The following GRM7 variants were observed in gnomAD, a reference collection of about 807,000 sequenced individuals.
GRM7 encodes the protein glutamate metabotropic receptor 7, also known as metabotropic glutamate receptor 7.
Under a neutral mutation model 84.5 loss-of-function variants are expected in GRM7, and 35 were observed. The observed-to-expected ratio is 0.41, with a 90% CI of 0.32 to 0.55. GRM7 has a LOEUF of 0.55. Ranked by LOEUF, GRM7 falls within the 20% of genes least tolerant of loss-of-function variation. The pLI is 0.19. For synonymous variants in GRM7, 487 were observed against 455.1 expected (o/e 1.07, Z -0.89); for missense variants, 1,003 against 1,194.6 (o/e 0.84, Z 2.36).
chr3:7,099,493 G>A (rs146965096), intron 1 of GRM7, among the ~76,000 whole-genome samples: 76 of 139,450 alleles, frequency 5.4e-4, no homozygotes, highest in African/African-American at 7.5e-4. Flanking sequence ...ATATGTACAC[G>A]CATTATACAT....
At chr3:7,491,843 A>G (rs1699528916) in intron 7 of GRM7, among the ~76,000 whole-genome samples, 1 of 152,204 alleles carries the variant, frequency 6.6e-6, no homozygotes, top group Non-Finnish European at 1.5e-5. Context: ...TAAATACCTG[A>G]AGGAGAAGCA....
intron 9 of GRM7, among the ~76,000 whole-genome samples, chr3:7,699,874 T>C (rs1575648443): frequency 1.3e-5 from 2 of 152,178 alleles, no homozygotes; most frequent in South Asian, 4.1e-4. Flanking sequence ...AGAGCCAGTC[T>C]AGGGTCAGAG....
At chr3:7,684,647 C>T (rs1353783658) in intron 9 of GRM7, among the ~76,000 whole-genome samples, 2 of 152,134 alleles carry the variant, frequency 1.3e-5, no homozygotes, top group Non-Finnish European at 2.9e-5. Context: ...ATATAATTAT[C>T]CTCTTAGTTT....
At chr3:7,729,587 G>A (rs1702239781) in intron 9 of GRM7, among the ~76,000 whole-genome samples, 1 of 152,178 alleles carries the variant, frequency 6.6e-6, no homozygotes, top group South Asian at 2.1e-4. Flanking sequence ...GACTGGAGGG[G>A]TATAGGTAAC....
chr3:7,484,750 T>C (rs1405670549), intron 7 of GRM7, among the ~76,000 whole-genome samples: 2 of 152,220 alleles, frequency 1.3e-5, no homozygotes, highest in African/African-American at 4.8e-5. Context: ...GCCTCTAAAA[T>C]GGTGTTGAGT....
At chr3:7,726,183 C>T (rs1317146061) in intron 9 of GRM7, among the ~76,000 whole-genome samples, 1 of 151,822 alleles carries the variant, frequency 6.6e-6, no homozygotes, top group Non-Finnish European at 1.5e-5. Context: ...TATTAGATTG[C>T]GTAGGAGAGT....
intron 2 of GRM7, among the ~76,000 whole-genome samples, chr3:7,219,695 G>A (rs1332990053): frequency 2.0e-5 from 3 of 152,192 alleles, no homozygotes; most frequent in African/African-American, 7.2e-5. Flanking sequence ...TTTTCTTGCT[G>A]TTAGTGTCAG....
At chr3:7,281,856 G>A (rs926408856) in intron 2 of GRM7, among the ~76,000 whole-genome samples, 2 of 152,208 alleles carry the variant, frequency 1.3e-5, no homozygotes, top group Non-Finnish European at 1.5e-5. Context: ...CAAGGCGGAA[G>A]GATTGCCTGA....
chr3:7,323,946 G>GT (rs1468342319), intron 4 of GRM7, among the ~76,000 whole-genome samples: 1 of 152,128 alleles, frequency 6.6e-6, no homozygotes, highest in African/African-American at 2.4e-5. Context: ...GAGCAAGCTA[G>GT]TAAGATCATG....
In GRM7 at chr3:7,118,529, A is replaced by G. The variant is rs115470436; in HGVS notation, c.520-27923A>G. Among the ~76,000 whole-genome samples, 649 of 151,080 alleles carry G rather than the reference A, an allele frequency of 4.3e-3. 4 individuals are homozygous for G. Among genetic ancestry groups the G allele is most frequent in the Non-Finnish European group, 7.0e-3 (474 of 67,838 alleles). ...CTCTAAAAAAAAGTTACAGAAAACAATAGTTTGCTGTTGATATAGCATAAA... is the reference window on the plus strand; with the variant it reads ...CTCTAAAAAAAAGTTACAGAAAACAGTAGTTTGCTGTTGATATAGCATAAA... On this transcript the variant is annotated intron_variant, in intron 1 of 9. Transcript: ENST00000357716.
At chr3:7,572,800 C>A (rs12630191) in intron 7 of GRM7, among the ~76,000 whole-genome samples, 1 of 96,232 alleles carries the variant, frequency 1.0e-5, no homozygotes, top group Non-Finnish European at 2.1e-5. Flanking sequence ...CCAGCCTGGG[C>A]GACAGAGTGA....
intron 2 of GRM7, among the ~76,000 whole-genome samples, chr3:7,253,798 G>A (rs1252731888): frequency 2.6e-5 from 4 of 152,246 alleles, no homozygotes; most frequent in East Asian, 1.9e-4. Flanking sequence ...GTAGACTGCA[G>A]AGGTGGGGCT....
At chr3:6,947,225 C>G (rs1362519575) in intron 1 of GRM7, among the ~76,000 whole-genome samples, 2 of 152,072 alleles carry the variant, frequency 1.3e-5, no homozygotes, top group East Asian at 3.9e-4. Context: ...GAGCTATGTC[C>G]CATCAATACC....
intron 9 of GRM7, among the ~76,000 whole-genome samples, chr3:7,712,542 G>A (rs953464520): frequency 1.1e-4 from 17 of 151,632 alleles, no homozygotes; most frequent in African/African-American, 4.1e-4. Context: ...GTAGATCTAA[G>A]TACCTTTTCA....
At chr3:7,429,457 A>G (rs1696742138) in intron 5 of GRM7, among the ~76,000 whole-genome samples, 1 of 152,106 alleles carries the variant, frequency 6.6e-6, no homozygotes, top group Admixed American at 6.5e-5. Context: ...TTTGATTTGT[A>G]TTTCTTGGAA....
At chr3:7,680,509 T>C (rs1261712674) in intron 9 of GRM7, 2 of 555,020 alleles carry the variant, frequency 3.6e-6, no homozygotes, top group East Asian at 3.1e-5. Flanking sequence ...TTTTGGAGGC[T>C]CTGCTTCAGA....
intron 8 of GRM7, among the ~76,000 whole-genome samples, chr3:7,656,080 C>A (rs1034463950): frequency 3.9e-5 from 6 of 152,110 alleles, no homozygotes; most frequent in African/African-American, 1.4e-4. Flanking sequence ...ATAATAGCAA[C>A]TTGAAGAGAG....
intron 2 of GRM7, among the ~76,000 whole-genome samples, chr3:7,169,381 G>A (rs1694909891): frequency 6.6e-6 from 1 of 152,172 alleles, no homozygotes; most frequent in South Asian, 2.1e-4. Flanking sequence ...ATCCTGTAGT[G>A]CTAAGAGGAG....
At chr3:7,438,884 G>A (rs1409005041) in intron 5 of GRM7, among the ~76,000 whole-genome samples, 1 of 152,018 alleles carries the variant, frequency 6.6e-6, no homozygotes, top group Non-Finnish European at 1.5e-5. Flanking sequence ...AGATATCGGG[G>A]GTGGAAGGGG....
Sources: gnomAD v4.1 joint callset for allele counts (sites outside exome capture counted in the v4.1 genomes callset) on GRCh38, gnomAD v4.1.1 for gene constraint, MANE v1.5 for transcripts, NCBI Gene and HGNC (gene_info 2026-07-23, HGNC 2026-07-21) for gene names.